The following FOXP1 variants were observed in gnomAD, a reference collection of about 807,000 sequenced individuals.
FOXP1 encodes forkhead box protein P1.
A neutral mutation model predicts 98.2 loss-of-function variants in FOXP1; 15 were observed. The observed-to-expected ratio is 0.15, with a 90% CI of 0.10 to 0.24. FOXP1 has a LOEUF of 0.24. Among genes scored for constraint, FOXP1 ranks in the 10% least tolerant of loss-of-function variants. The pLI is 1.00. For synonymous variants in FOXP1, 371 were observed against 314.5 expected (o/e 1.18, Z -1.90); for missense variants, 633 against 848.5 (o/e 0.75, Z 3.15).
At chr3:71,461,012 A>C (rs551184322) in intron 3 of FOXP1, among the ~76,000 whole-genome samples, 6 of 152,222 alleles carry the variant, frequency 3.9e-5, no homozygotes, top group Non-Finnish European at 7.3e-5. Flanking sequence ...GATGGGCAAT[A>C]TCATCTAGGA....
intron 5 of FOXP1, among the ~76,000 whole-genome samples, chr3:71,287,344 G>T (rs2072258933): frequency 6.6e-6 from 1 of 151,868 alleles, no homozygotes; most frequent in Non-Finnish European, 1.5e-5. Flanking sequence ...GGTGGCATGT[G>T]CCTGTGGTAC....
At chr3:71,129,192 G>A (rs1269048135) in intron 6 of FOXP1, among the ~76,000 whole-genome samples, 3 of 152,044 alleles carry the variant, frequency 2.0e-5, no homozygotes, top group Non-Finnish European at 2.9e-5. Flanking sequence ...ACTAACATCT[G>A]AGTAAATACC....
rs2076065429 is a variant in FOXP1 at position 71,328,575 on chromosome 3, G to C, written c.-72-28695C>G. 2.0e-5 allele frequency among the ~76,000 whole-genome samples: 3 copies of C among 152,228 alleles called. No homozygotes were observed. In the South Asian group the frequency reaches 6.2e-4, roughly 31 times the overall value. The stretch of plus-strand genomic sequence containing the variant: ...TTGATACATTTCTGCCCATTTGGCA[G>C]AATTTTGCAGAGACTTGCTTTCAAT... On this transcript the variant is annotated intron_variant, in intron 4 of 20. Coordinates refer to ENST00000649528, the MANE Select transcript of FOXP1 (RefSeq NM_001349338.3).
At chr3:71,023,838 T>C (rs2045761547) in intron 11 of FOXP1, among the ~76,000 whole-genome samples, 2 of 152,208 alleles carry the variant, frequency 1.3e-5, no homozygotes, top group African/African-American at 2.4e-5. Context: ...TATTTGATCA[T>C]TAGCTCGAAT....
intron 3 of FOXP1, among the ~76,000 whole-genome samples, chr3:71,385,939 ACT>A (rs1370886870): frequency 6.6e-6 from 1 of 151,846 alleles, no homozygotes; most frequent in African/African-American, 2.4e-5. Flanking sequence ...CTTCCAAAAG[ACT>A]CTGCCTGAAA....
intron 6 of FOXP1, among the ~76,000 whole-genome samples, chr3:71,194,528 T>G (rs1235004784): frequency 6.6e-6 from 1 of 152,156 alleles, no homozygotes; most frequent in Non-Finnish European, 1.5e-5. Context: ...TTCAAGACTT[T>G]TAAAATGCAT....
chr3:71,081,482 C>T (rs745535721), intron 7 of FOXP1, among the ~76,000 whole-genome samples: 2 of 152,126 alleles, frequency 1.3e-5, no homozygotes, highest in Non-Finnish European at 2.9e-5. Context: ...TAGTTACAGG[C>T]AGAACCGAGA....
At chr3:71,261,665 G>A (rs2069149145) in intron 5 of FOXP1, among the ~76,000 whole-genome samples, 1 of 152,050 alleles carries the variant, frequency 6.6e-6, no homozygotes, top group African/African-American at 2.4e-5. Context: ...TCGAACAATT[G>A]TGAAAACATT....
At chr3:71,236,812 G>T (rs1324069379) in intron 5 of FOXP1, among the ~76,000 whole-genome samples, 1 of 151,576 alleles carries the variant, frequency 6.6e-6, no homozygotes, top group Non-Finnish European at 1.5e-5. Context: ...GGCTGAGGCT[G>T]CAATGAGCCA....
At chr3:71,282,182 TG>T (rs1255459542) in intron 5 of FOXP1, among the ~76,000 whole-genome samples, 2 of 152,066 alleles carry the variant, frequency 1.3e-5, no homozygotes, top group African/African-American at 4.8e-5. Flanking sequence ...TACTCTCTGG[TG>T]GCACGTAAGA....
intron 5 of FOXP1, among the ~76,000 whole-genome samples, chr3:71,223,200 A>G (rs541108791): frequency 2.6e-5 from 4 of 152,324 alleles, no homozygotes; most frequent in East Asian, 1.9e-4. Flanking sequence ...GGTCTCCTGT[A>G]TAATTTCCCA....
intron 2 of FOXP1, among the ~76,000 whole-genome samples, chr3:71,579,632 C>CTTTTTTTTTTTTTTTTTTTTTTTTTTTCT (rs35646548): frequency 8.1e-6 from 1 of 123,000 alleles, no homozygotes; most frequent in Non-Finnish European, 1.6e-5. Context: ...TTTCTTTTTT[C>CTTTTTTTTTTTTTTTTTTTTTTTTTTTCT]TTTTTTTTTT....
At chr3:71,187,693 G>A (rs1039220125) in intron 6 of FOXP1, among the ~76,000 whole-genome samples, 1 of 152,138 alleles carries the variant, frequency 6.6e-6, no homozygotes, top group African/African-American at 2.4e-5. Context: ...GAAATTGAAT[G>A]AGAAAAATCA....
intron 5 of FOXP1, among the ~76,000 whole-genome samples, chr3:71,271,354 G>A (rs944034483): frequency 1.8e-4 from 28 of 152,182 alleles, no homozygotes; most frequent in Admixed American, 3.3e-4. Context: ...TAGTTTTGTT[G>A]ATAAAAAGTG....
intron 2 of FOXP1, among the ~76,000 whole-genome samples, chr3:71,503,981 T>G (rs9842406): frequency 0.34 from 51,669 of 151,906 alleles, 9,722 homozygotes; most frequent in Non-Finnish European, 0.43. Context: ...TTAGCAGAAG[T>G]GCAGCAAGAC....
chr3:71,346,072 A>G (rs2077341037), intron 4 of FOXP1, among the ~76,000 whole-genome samples: 1 of 152,142 alleles, frequency 6.6e-6, no homozygotes, highest in Non-Finnish European at 1.5e-5. Context: ...CCTCACAAAA[A>G]TGGCCATAGG....
At chr3:71,536,577 T>C (rs897446533) in intron 2 of FOXP1, among the ~76,000 whole-genome samples, 34 of 149,666 alleles carry the variant, frequency 2.3e-4, no homozygotes, top group African/African-American at 7.4e-4. Flanking sequence ...ATGTCTCTTT[T>C]TTTTTTTTTT....
intron 5 of FOXP1, among the ~76,000 whole-genome samples, chr3:71,222,832 C>G (rs1319125754): frequency 6.6e-6 from 1 of 152,162 alleles, no homozygotes; most frequent in East Asian, 1.9e-4. Context: ...CTCTCCTTTA[C>G]CGATTATTTC....
At position 71,153,901 on chromosome 3, in the gene FOXP1, A is replaced by G. The variant is rs565798793; in HGVS notation, c.181-41264T>C. On this transcript the variant is annotated intron_variant, in intron 6 of 20. Transcript: ENST00000649528. The stretch of plus-strand genomic sequence containing the variant: ...GTACGGCAATAAACATTAATGAATA[A>G]CATTTATTGGGCCCCTACTATACAC... Among the ~76,000 whole-genome samples, 14 of 152,332 alleles carry G rather than the reference A, an allele frequency of 9.2e-5. No individual in the cohort carries two copies. The South Asian group carries it at 2.7e-3, about 29-fold the overall frequency.
Sources: allele counts gnomAD v4.1 joint callset (sites outside exome capture counted in the v4.1 genomes callset), GRCh38; gene constraint gnomAD v4.1.1; transcripts MANE v1.5; gene names NCBI Gene and HGNC (gene_info 2026-07-23, HGNC 2026-07-21).